CPVL: variants seen among roughly 807,000 people sequenced by gnomAD.
CPVL encodes probable serine carboxypeptidase CPVL.
A neutral mutation model predicts 63.7 loss-of-function variants in CPVL; 51 were observed. That is an observed-to-expected ratio of 0.80 (90% CI 0.64 to 1.01). The LOEUF (loss-of-function observed/expected upper bound fraction) is 1.01, where lower values mean the gene tolerates loss of function less well. Among genes scored for constraint, CPVL ranks in the 50% least tolerant of loss-of-function variants. The pLI is 0.00. For synonymous variants in CPVL, 195 were observed against 206.0 expected (o/e 0.95, Z 0.46); for missense variants, 530 against 573.1 (o/e 0.92, Z 0.77).
At chr7:29,127,915 G>A (rs1390032200) in intron 1 of CPVL, 1 of 151,546 alleles carries the variant, frequency 6.6e-6, no homozygotes, top group Non-Finnish European at 1.5e-5. Context: ...TTGGGGCTTC[G>A]TTTTCTGAAG....
At chr7:29,054,767 T>C (rs978146320) in intron 11 of CPVL, among the ~76,000 whole-genome samples, 9 of 152,188 alleles carry the variant, frequency 5.9e-5, no homozygotes, top group African/African-American at 7.2e-5. Flanking sequence ...ATTCTCTTCT[T>C]AATGCCTCTT....
intron 7 of CPVL, 43 bp downstream of exon 7, chr7:29,086,441 T>C (rs1785211917): frequency 1.5e-6 from 2 of 1,339,940 alleles, no homozygotes; most frequent in Non-Finnish European, 2.1e-6. Context: ...ATGTCAGTTC[T>C]GGTGATGTTT....
At chr7:28,998,722 G>C (rs1260603757) in intron 12 of CPVL, among the ~76,000 whole-genome samples, 1 of 152,122 alleles carries the variant, frequency 6.6e-6, no homozygotes, top group East Asian at 1.9e-4. Context: ...AGGATCGCTT[G>C]ATTGCAGGAG....
At chr7:29,116,653 C>T (rs571742581) in intron 2 of CPVL, among the ~76,000 whole-genome samples, 184 of 152,294 alleles carry the variant, frequency 1.2e-3, no homozygotes, top group African/African-American at 4.2e-3. Flanking sequence ...TGTGGACAGA[C>T]ATTATCAGAT....
intron 1 of CPVL, chr7:29,126,768 T>C (rs1181575868): frequency 2.0e-5 from 3 of 152,258 alleles, no homozygotes; most frequent in East Asian, 3.9e-4. Flanking sequence ...GCCCGGCACA[T>C]TGGCTCATGC....
rs1027642141 is a variant in CPVL at position 29,131,087 on chromosome 7, T to C, written c.-10-10016A>G. Among the ~76,000 whole-genome samples the C allele has an allele frequency of 2.0e-5, 3 of 152,138 alleles. No individual in the cohort carries two copies. The East Asian group carries it at 5.8e-4, about 29-fold the overall frequency. ...TTTAGAATTGCCTCCTTTTGAATGGTGTGAACCCAGGAGGCGGAGCTTGCA... is the reference window on the plus strand; with the variant it reads ...TTTAGAATTGCCTCCTTTTGAATGGCGTGAACCCAGGAGGCGGAGCTTGCA... On this transcript the variant is annotated intron_variant, in intron 1 of 12. Coordinates refer to ENST00000265394, the MANE Select transcript of CPVL (RefSeq NM_031311.5).
chr7:29,162,103 G>C (rs1312306802), intron 5 of CPVL, among the ~76,000 whole-genome samples: 1 of 152,194 alleles, frequency 6.6e-6, no homozygotes, highest in Non-Finnish European at 1.5e-5. Flanking sequence ...GCCACTCTGG[G>C]CATCTGGCAG....
At chr7:29,062,152 G>T (rs1370683679) in intron 11 of CPVL, among the ~76,000 whole-genome samples, 1 of 152,114 alleles carries the variant, frequency 6.6e-6, no homozygotes, top group African/African-American at 2.4e-5. Flanking sequence ...ATGGATTATG[G>T]ACAGGTTTAT....
chr7:29,135,103 CAAA>C (rs56954460), intron 1 of CPVL, among the ~76,000 whole-genome samples: 434 of 121,332 alleles, frequency 3.6e-3, no homozygotes, highest in Middle Eastern at 0.012. Flanking sequence ...GACCTTGCCT[CAAA>C]AAAAAAAAAA....
At chr7:29,057,442 T>A (rs1790852207) in intron 11 of CPVL, among the ~76,000 whole-genome samples, 1 of 152,212 alleles carries the variant, frequency 6.6e-6, no homozygotes, top group African/African-American at 2.4e-5. Flanking sequence ...TCCCACTCTG[T>A]GGCTTATCTT....
intron 5 of CPVL, among the ~76,000 whole-genome samples, chr7:29,180,268 G>A (rs1270955698): frequency 6.6e-6 from 1 of 152,196 alleles, no homozygotes; most frequent in East Asian, 1.9e-4. Context: ...GCTCACGCCT[G>A]TAATCCCAGC....
chr7:29,030,550 C>T, intron 12 of CPVL, 27 bp downstream of exon 12: 2 of 1,597,394 alleles, frequency 1.3e-6, no homozygotes, highest in Non-Finnish European at 8.5e-7. Context: ...ATTCCCACAA[C>T]CTGCCTGCTC....
chr7:29,153,950 TA>T (rs1304807219), intron 5 of CPVL, among the ~76,000 whole-genome samples: 3 of 152,146 alleles, frequency 2.0e-5, no homozygotes, highest in Non-Finnish European at 4.4e-5. Context: ...ATGTATAAAA[TA>T]CAAAATATAT....
At chr7:29,173,329 T>C (rs1274633803) in intron 5 of CPVL, among the ~76,000 whole-genome samples, 6 of 152,096 alleles carry the variant, frequency 3.9e-5, no homozygotes, top group African/African-American at 1.4e-4. Context: ...GGGGCCTAAC[T>C]TTCTGCAGCC....
intron 12 of CPVL, among the ~76,000 whole-genome samples, chr7:29,029,003 T>C (rs551416484): frequency 1.4e-4 from 20 of 144,576 alleles, no homozygotes; most frequent in African/African-American, 4.8e-4. Context: ...AGGATCTTAA[T>C]AGACATTTCT....
chr7:29,139,667 C>T (rs1791646999), intron 1 of CPVL, among the ~76,000 whole-genome samples: 1 of 152,140 alleles, frequency 6.6e-6, no homozygotes, highest in Admixed American at 6.5e-5. Flanking sequence ...ATTTTGCAGA[C>T]ACCAATGTTC....
At chr7:29,179,787 T>C (rs975112325) in intron 5 of CPVL, among the ~76,000 whole-genome samples, 2 of 152,238 alleles carry the variant, frequency 1.3e-5, no homozygotes. Flanking sequence ...AGGGGCTATA[T>C]AGCATTTATG....
intron 1 of CPVL, chr7:29,122,385 C>T (rs1195227523): frequency 6.6e-6 from 1 of 152,242 alleles, no homozygotes; most frequent in African/African-American, 2.4e-5. Context: ...AGGATTCTCA[C>T]TGAAGACAGG....
intron 12 of CPVL, among the ~76,000 whole-genome samples, chr7:29,021,395 G>A (rs1295130760): frequency 1.3e-5 from 2 of 152,068 alleles, no homozygotes; most frequent in Non-Finnish European, 2.9e-5. Context: ...CCTCCTTCAC[G>A]AAGAAGGACC....
Sources: gnomAD v4.1 joint callset for allele counts (sites outside exome capture counted in the v4.1 genomes callset) on GRCh38, gnomAD v4.1.1 for gene constraint, MANE v1.5 for transcripts, NCBI Gene and HGNC (gene_info 2026-07-23, HGNC 2026-07-21) for gene names.